BMP2: variants seen among roughly 807,000 people sequenced by gnomAD.
The protein encoded by BMP2 is bone morphogenetic protein 2A.
A neutral mutation model predicts 28.8 loss-of-function variants in BMP2; 2 were observed. That is an observed-to-expected ratio of 0.07 (90% confidence interval 0.03 to 0.22). The LOEUF is 0.22. Among genes scored for constraint, BMP2 ranks in the 10% least tolerant of loss-of-function variants. The probability of loss-of-function intolerance (pLI) is 1.00; values close to 1 mark genes in which losing one functional copy is unlikely to be tolerated. For missense variants in BMP2, 437 were observed against 517.7 expected, an observed-to-expected ratio of 0.84 and a Z score of 1.51; for synonymous variants, 218 against 204.3, an observed-to-expected ratio of 1.07 and a Z score of -0.57.
chr20:6,769,612 G>GGTGTGT (rs61071559), intron 1 of BMP2, among the ~76,000 whole-genome samples: 11,664 of 139,856 alleles, frequency 0.083, 554 homozygotes, highest in African/African-American at 0.11. Flanking sequence ...AAGCTATAAG[G>GGTGTGT]GTGTGTGTGT....
chr20:6,772,354 A>G (rs533620024), intron 2 of BMP2, among the ~76,000 whole-genome samples: 1 of 152,332 alleles, frequency 6.6e-6, no homozygotes, highest in Admixed American at 6.5e-5. Context: ...TTCAGGTCTT[A>G]ATGCAGTTAG....
intron 1 of BMP2, 39 bp downstream of exon 1, chr20:6,768,914 TGGG>T: frequency 6.7e-6 from 2 of 299,166 alleles, no homozygotes; most frequent in Non-Finnish European, 6.0e-6. Flanking sequence ...GGGTGGTGGG[TGGG>T]AGGGGGATTT....
chr20:6,772,486 T>G, intron 2 of BMP2, among the ~76,000 whole-genome samples: 1 of 152,226 alleles, frequency 6.6e-6, no homozygotes, highest in Non-Finnish European at 1.5e-5. Flanking sequence ...GACTAATCAT[T>G]GTTGTATACA....
At position 6,770,708 on chromosome 20, in the gene BMP2, G is replaced by A; in HGVS notation, c.346+236G>A. 1.3e-5 allele frequency among the ~76,000 whole-genome samples: 2 copies of A among 152,246 alleles called. 1 individual carries two copies. The highest frequency in any genetic ancestry group is 2.9e-5 in the Non-Finnish European group (2 of 68,042). On this transcript the variant is annotated intron_variant, in intron 2 of 2. Transcript: ENST00000378827. ...CTCTTCCTGGCTTGCAGCCAGAAGA[G>A]CTACTCCTCCTGGAAGAATTGGAGA...
At chr20:6,777,381 CACTATT>C (rs1393003442) in intron 2 of BMP2, among the ~76,000 whole-genome samples, 1 of 151,978 alleles carries the variant, frequency 6.6e-6, no homozygotes, top group Non-Finnish European at 1.5e-5. Flanking sequence ...CCATCCTGCA[CACTATT>C]ACTGGGTAGG....
chr20:6,776,782 T>C (rs568875677), intron 2 of BMP2, among the ~76,000 whole-genome samples: 4 of 152,374 alleles, frequency 2.6e-5, no homozygotes, highest in African/African-American at 9.6e-5. Context: ...ACTGTTGCTT[T>C]GATGATGAAG....
chr20:6,771,236 A>T (rs1489173821), intron 2 of BMP2, among the ~76,000 whole-genome samples: 1 of 150,578 alleles, frequency 6.6e-6, no homozygotes. Context: ...CTAAGGTGGG[A>T]TATTTCTGCT....
At chr20:6,772,117 C>G (rs889142019) in intron 2 of BMP2, among the ~76,000 whole-genome samples, 2 of 152,216 alleles carry the variant, frequency 1.3e-5, no homozygotes, top group African/African-American at 4.8e-5. Context: ...ACACCTAAAA[C>G]ATTCCATTGT....
In BMP2 at chr20:6,779,955, C is replaced by T. The variant is rs1986591641; in HGVS notation, c.*866C>T. On this transcript the variant is annotated 3_prime_UTR_variant, in exon 3 of 3. Coordinates refer to ENST00000378827, the MANE Select transcript of BMP2 (RefSeq NM_001200.4). ...TATTCAATAAAACGTAAGATTTCTT[C>T]ATTATTGATATTGTGGTCATATATA... 1 of 152,512 alleles carries T rather than the reference C, an allele frequency of 6.6e-6. No homozygotes were observed. Among genetic ancestry groups the T allele is most frequent in the African/African-American group, 2.4e-5 (1 of 41,430 alleles). 9.4% of individuals were successfully genotyped at this position (152,512 alleles called of 1,614,324 possible).
Position 6,778,201 on chromosome 20 carries a change from T to A in BMP2, c.347-44T>A. On this transcript the variant is annotated intron_variant, in intron 2 of 2. Transcript: ENST00000378827. This position sits in a 1 kb window ranked among gnomAD's most constrained non-coding sequence, Gnocchi z 5.0. ...ACGTCATTACTTGGCTTACTGAAAT[T>A]CAGACTTTTCTTTTTTCTTCCCTGT... is the stretch of plus-strand genomic sequence containing the variant. The A allele has an allele frequency of 1.3e-6, 2 of 1,535,894 alleles. No homozygotes were observed. The highest frequency in any genetic ancestry group is 4.5e-5 in the East Asian group (2 of 44,368).
At chr20:6,769,612 G>GGTATGTGTGT (rs1986343785) in intron 1 of BMP2, among the ~76,000 whole-genome samples, 3 of 139,906 alleles carry the variant, frequency 2.1e-5, no homozygotes, top group Admixed American at 1.4e-4. Flanking sequence ...AAGCTATAAG[G>GGTATGTGTGT]GTGTGTGTGT....
intron 2 of BMP2, among the ~76,000 whole-genome samples, chr20:6,775,597 C>T (rs1188052306): frequency 6.6e-6 from 1 of 152,168 alleles, no homozygotes; most frequent in Admixed American, 6.5e-5. Flanking sequence ...AGACCTTGAA[C>T]CACATGAAAT....
Position 6,778,413 on chromosome 20 carries a change from A to G in BMP2, c.515A>G (p.Asn172Ser), listed in dbSNP as rs1262129418. The G allele has an allele frequency of 1.2e-6, 2 of 1,614,212 alleles. No homozygotes were observed. The highest frequency in any genetic ancestry group is 1.7e-5 in the Admixed American group (1 of 60,032). The change falls in exon 3 of 3, where the codon AAT (asparagine) becomes AGT (serine). Residue 172 changes from asparagine to serine, a missense_variant. Coordinates refer to ENST00000378827, the MANE Select transcript of BMP2 (RefSeq NM_001200.4). The surrounding 1 kb of genome is among the most constrained non-coding windows in gnomAD (Gnocchi z 5.0). ...GNNSSFHHRINIYEIIKPATA... is the reference protein window; with the variant it reads ...GNNSSFHHRISIYEIIKPATA... ...AATAGCAGTTTCCATCACCGAATTA[A>G]TATTTATGAAATCATAAAACCTGCA...
Position 6,767,963 on chromosome 20 carries a change from G to T in BMP2, c.-920G>T. On this transcript the variant is annotated 5_prime_UTR_variant, in exon 1 of 3. Transcript: ENST00000378827. Reference sequence around the variant, plus strand: ...CCGTGGCCTCTGCTGCCCGGGCTGCGCCAGAGCCGCGGACGGGCGCGCAGA... The same window carrying T: ...CCGTGGCCTCTGCTGCCCGGGCTGCTCCAGAGCCGCGGACGGGCGCGCAGA... 1 of 396,382 alleles carries T rather than the reference G, an allele frequency of 2.5e-6. No individual in the cohort carries two copies. Among genetic ancestry groups the T allele is most frequent in the Non-Finnish European group, 4.4e-6 (1 of 224,728 alleles). 24.6% of individuals were successfully genotyped at this position (396,382 alleles called of 1,614,324 possible).
Position 6,768,892 on chromosome 20 carries a change from A to C in BMP2, c.-8+17A>C. The C allele has an allele frequency of 6.1e-6, 1 of 165,200 alleles. No homozygotes were observed. Among genetic ancestry groups the C allele is most frequent in the Non-Finnish European group, 1.3e-5 (1 of 78,846 alleles). 10.2% of individuals were successfully genotyped at this position (165,200 alleles called of 1,614,324 possible). ...CTCCTAAAGGTAGAGGACGCGGGCC[A>C]GGGCCCGGGGTGGGTGGTGGGTGGG... On this transcript the variant is annotated intron_variant, in intron 1 of 2. Transcript: ENST00000378827.
intron 2 of BMP2, among the ~76,000 whole-genome samples, chr20:6,770,862 T>C (rs527264143): frequency 1.3e-5 from 2 of 152,328 alleles, no homozygotes; most frequent in East Asian, 1.9e-4. Flanking sequence ...GTTTGGAAGC[T>C]TTTGCTCTAT....
chr20:6,776,909 A>T (rs1986512348), intron 2 of BMP2, among the ~76,000 whole-genome samples: 1 of 152,212 alleles, frequency 6.6e-6, no homozygotes, highest in South Asian at 2.1e-4. Flanking sequence ...CAACTGTAAA[A>T]TTAATAAAAA....
At chr20:6,775,905 G>A (rs150160248) in intron 2 of BMP2, among the ~76,000 whole-genome samples, 1 of 152,240 alleles carries the variant, frequency 6.6e-6, no homozygotes, top group African/African-American at 2.4e-5. Flanking sequence ...TGTTAATATA[G>A]CTAGTCAGCG....
At chr20:6,774,549 AC>A (rs1386925879) in intron 2 of BMP2, among the ~76,000 whole-genome samples, 2 of 152,116 alleles carry the variant, frequency 1.3e-5, no homozygotes, top group African/African-American at 4.8e-5. Context: ...ACAAAACAAA[AC>A]AAAAGACAAG....
Sources: allele counts gnomAD v4.1 joint callset (sites outside exome capture counted in the v4.1 genomes callset), GRCh38; gene constraint gnomAD v4.1.1; non-coding constraint Gnocchi (gnomAD v3.1); transcripts MANE v1.5; gene names NCBI Gene and HGNC (gene_info 2026-07-23, HGNC 2026-07-21).